RFFL: variants seen among roughly 807,000 people sequenced by gnomAD.
RFFL encodes the protein E3 ubiquitin-protein ligase rififylin.
A neutral mutation model predicts 40.4 loss-of-function variants in RFFL; 16 were observed. The observed-to-expected ratio is 0.40, with a 90% CI of 0.27 to 0.60. The LOEUF is 0.60. RFFL is among the 20% of genes least tolerant of loss of function. RFFL has a pLI of 0.47. For synonymous variants in RFFL, 154 were observed against 167.9 expected (o/e 0.92, Z 0.64); for missense variants, 367 against 451.7 (o/e 0.81, Z 1.70).
At chr17:35,088,218 G>A (rs536492720) in intron 1 of RFFL, among the ~76,000 whole-genome samples, 1 of 152,222 alleles carries the variant, frequency 6.6e-6, no homozygotes, top group South Asian at 2.1e-4. Context: ...CTTTAACCAG[G>A]GAGCAAAGAG....
chr17:35,017,748 A>G (rs140584006), intron 3 of RFFL, 142 bp from the exon 4 acceptor site: 79 of 625,274 alleles, frequency 1.3e-4, no homozygotes, highest in African/African-American at 1.1e-3. Flanking sequence ...ATCATTACAA[A>G]AGCCTGCTCT....
intron 1 of RFFL, among the ~76,000 whole-genome samples, chr17:35,075,025 A>C (rs1353265373): frequency 6.6e-6 from 1 of 152,206 alleles, no homozygotes; most frequent in African/African-American, 2.4e-5. Context: ...CTGTCACCAA[A>C]CAACAGTGAA....
At chr17:35,020,362 G>A (rs1399728505) in intron 3 of RFFL, among the ~76,000 whole-genome samples, 1 of 151,620 alleles carries the variant, frequency 6.6e-6, no homozygotes, top group Non-Finnish European at 1.5e-5. Flanking sequence ...TACTGCCTGA[G>A]CTTTGCCTCC....
intron 1 of RFFL, among the ~76,000 whole-genome samples, chr17:35,085,320 C>G (rs2091423992): frequency 6.6e-6 from 1 of 152,118 alleles, no homozygotes; most frequent in Non-Finnish European, 1.5e-5. Context: ...ACTAACAAAA[C>G]CAGTAAGGTA....
chr17:35,017,961 G>T (rs144536073), intron 3 of RFFL, among the ~76,000 whole-genome samples: 12 of 152,218 alleles, frequency 7.9e-5, no homozygotes, highest in Non-Finnish European at 1.5e-4. Context: ...TCTCTATCTG[G>T]CATCAAGGTT....
intron 1 of RFFL, among the ~76,000 whole-genome samples, chr17:35,053,485 T>C (rs2091242697): frequency 6.6e-6 from 1 of 152,208 alleles, no homozygotes; most frequent in East Asian, 1.9e-4. Flanking sequence ...AACAAGGTTA[T>C]TTCACAAAGC....
At chr17:35,014,657 T>G (rs1436169388) in intron 6 of RFFL, 83 bp downstream of exon 6, 40 of 1,319,130 alleles carry the variant, frequency 3.0e-5, no homozygotes, top group Non-Finnish European at 3.8e-5. Flanking sequence ...CTCAGAATTC[T>G]TAGATTACTA....
intron 1 of RFFL, among the ~76,000 whole-genome samples, chr17:35,050,724 G>C (rs2091226789): frequency 6.6e-6 from 1 of 151,810 alleles, no homozygotes; most frequent in South Asian, 2.1e-4. Context: ...GCACATGCCA[G>C]CACTTTGGAA....
intron 1 of RFFL, among the ~76,000 whole-genome samples, chr17:35,084,767 G>C (rs989498157): frequency 2.6e-5 from 4 of 151,308 alleles, no homozygotes; most frequent in Non-Finnish European, 5.9e-5. Flanking sequence ...GTGGTGGTGG[G>C]TGCCTGTAAT....
intron 1 of RFFL, among the ~76,000 whole-genome samples, chr17:35,041,842 C>A (rs574911412): frequency 2.0e-5 from 3 of 152,146 alleles, no homozygotes; most frequent in African/African-American, 7.2e-5. Flanking sequence ...CATGGTGAAA[C>A]CCCGTCTCTA....
At chr17:35,018,234 C>G (rs1305577862) in intron 3 of RFFL, among the ~76,000 whole-genome samples, 1 of 152,140 alleles carries the variant, frequency 6.6e-6, no homozygotes, top group Non-Finnish European at 1.5e-5. Flanking sequence ...ATGTTGAGCA[C>G]ACTATTATTA....
intron 1 of RFFL, among the ~76,000 whole-genome samples, chr17:35,051,868 G>A (rs1189974671): frequency 6.6e-6 from 1 of 152,168 alleles, no homozygotes; most frequent in Admixed American, 6.5e-5. Context: ...CATTGCAAAA[G>A]CCTTCAATTT....
At chr17:35,047,401 T>C (rs996332585) in intron 1 of RFFL, among the ~76,000 whole-genome samples, 1 of 152,194 alleles carries the variant, frequency 6.6e-6, no homozygotes, top group Non-Finnish European at 1.5e-5. Flanking sequence ...TAAAACCTGC[T>C]ACATTGAAAA....
intron 1 of RFFL, among the ~76,000 whole-genome samples, chr17:35,051,686 G>T (rs1411806180): frequency 6.6e-6 from 1 of 152,134 alleles, no homozygotes; most frequent in African/African-American, 2.4e-5. Context: ...TATGAGGGCT[G>T]GGAAAAAGAG....
chr17:35,026,390 G>A lies in RFFL; in HGVS notation c.164C>T (p.Ala55Val), dbSNP rs1567703232. 1.2e-6 allele frequency: 2 copies of A among 1,613,896 alleles called. No individual in the cohort carries two copies. The highest frequency in any genetic ancestry group is 8.5e-7 in the Non-Finnish European group (1 of 1,179,906). The change falls in exon 2 of 7, where the codon GCA becomes GTA. Residue 55 changes from alanine (A) to valine (V), a missense_variant. Transcript: ENST00000394597. ...AGCACTCACCTTCCTGGCCGTGTTT[G>A]CAAAGTGAGCCCCACAGGACTTGCA... is the stretch of plus-strand genomic sequence containing the variant. Reference protein sequence around the residue: ...PSCKSCGAHFANTARKQTCLD... With the variant: ...PSCKSCGAHFVNTARKQTCLD...
At chr17:35,078,146 A>C (rs1215002742) in intron 1 of RFFL, among the ~76,000 whole-genome samples, 1 of 152,180 alleles carries the variant, frequency 6.6e-6, no homozygotes, top group African/African-American at 2.4e-5. Flanking sequence ...TGGGCTAGGA[A>C]CCAGGAATCT....
chr17:35,014,628 C>CT (rs759425724), intron 6 of RFFL, 112 bp downstream of exon 6: 26 of 1,032,648 alleles, frequency 2.5e-5, no homozygotes, highest in Non-Finnish European at 3.0e-5. Flanking sequence ...CACACACCCT[C>CT]TCTCTGGGGG....
At chr17:35,068,792 G>A (rs913190530) in intron 1 of RFFL, among the ~76,000 whole-genome samples, 1 of 152,094 alleles carries the variant, frequency 6.6e-6, no homozygotes, top group Non-Finnish European at 1.5e-5. Context: ...GGACCCGATG[G>A]AGGAGGAGGA....
chr17:35,078,167 C>T (rs2091386287), intron 1 of RFFL, among the ~76,000 whole-genome samples: 1 of 152,054 alleles, frequency 6.6e-6, no homozygotes, highest in South Asian at 2.1e-4. Context: ...TTATTTTTTA[C>T]AAGCACCTAG....
Sources: gnomAD v4.1 joint callset for allele counts (sites outside exome capture counted in the v4.1 genomes callset) on GRCh38, gnomAD v4.1.1 for gene constraint, MANE v1.5 for transcripts, NCBI Gene and HGNC (gene_info 2026-07-23, HGNC 2026-07-21) for gene names.